Variants in PRKCB observed in about 807,000 individuals in gnomAD.
PRKCB encodes protein kinase C beta type.
In PRKCB, 13 loss-of-function variants were observed where a neutral mutation model predicts 81.5. The observed-to-expected ratio is 0.16, with a 90% CI of 0.10 to 0.25. PRKCB has a LOEUF of 0.25. Among genes scored for constraint, PRKCB ranks in the 10% least tolerant of loss-of-function variants. PRKCB has a pLI of 1.00. For missense variants in PRKCB, 509 were observed against 875.7 expected (o/e 0.58, Z 5.29); for synonymous variants, 335 against 321.4 (o/e 1.04, Z -0.45).
At chr16:24,013,781 CAA>C (rs35383807) in intron 3 of PRKCB, among the ~76,000 whole-genome samples, 9 of 138,002 alleles carry the variant, frequency 6.5e-5, no homozygotes, top group Admixed American at 1.5e-4. Context: ...TGTGGAATTG[CAA>C]AAAAAAAAAA....
chr16:24,128,416 G>A (rs773394345), intron 9 of PRKCB, among the ~76,000 whole-genome samples: 2 of 152,224 alleles, frequency 1.3e-5, no homozygotes, highest in Non-Finnish European at 2.9e-5. Flanking sequence ...AATTTGTGGG[G>A]CAACTAGGGA....
In PRKCB at chr16:24,219,884, C is replaced by A. The variant is rs755328611; in HGVS notation, c.*5068C>A. On this transcript the variant is annotated 3_prime_UTR_variant, in exon 17 of 17. Coordinates refer to ENST00000643927, the MANE Select transcript of PRKCB (RefSeq NM_002738.7). ...ACTCTGCTCATGAGATGGTATCAGC[C>A]ACCCAATGACTGGCGTATCTTGGTC... 6.5e-7 allele frequency: 1 copy of A among 1,535,126 alleles called. No homozygotes were observed. The highest frequency in any genetic ancestry group is 8.8e-7 in the Non-Finnish European group (1 of 1,137,938).
intron 2 of PRKCB, among the ~76,000 whole-genome samples, chr16:23,981,651 C>G (rs1964706831): frequency 7.5e-6 from 1 of 133,432 alleles, no homozygotes; most frequent in Non-Finnish European, 1.6e-5. Context: ...TTTTCTCCTT[C>G]CCTTCCTTTT....
chr16:23,870,882 A>T (rs1962890950), intron 2 of PRKCB, among the ~76,000 whole-genome samples: 1 of 152,196 alleles, frequency 6.6e-6, no homozygotes, highest in Admixed American at 6.5e-5. Flanking sequence ...GTCTTTGGTC[A>T]GCTAGCAGGT....
intron 2 of PRKCB, among the ~76,000 whole-genome samples, chr16:23,850,175 G>T (rs1430227845): frequency 6.6e-6 from 1 of 151,850 alleles, no homozygotes; most frequent in Non-Finnish European, 1.5e-5. Flanking sequence ...GTCTGGGTAG[G>T]ATTCTATTGT....
At chr16:24,148,752 C>T (rs1366587213) in intron 9 of PRKCB, among the ~76,000 whole-genome samples, 1 of 152,188 alleles carries the variant, frequency 6.6e-6, no homozygotes, top group Non-Finnish European at 1.5e-5. Flanking sequence ...CGAGGGTCAG[C>T]AGACTATTGG....
intron 3 of PRKCB, among the ~76,000 whole-genome samples, chr16:24,002,471 C>A (rs1332077099): frequency 6.6e-6 from 1 of 151,996 alleles, no homozygotes; most frequent in Non-Finnish European, 1.5e-5. Context: ...TCCTGAGTAG[C>A]TCGGATTATA....
intron 2 of PRKCB, among the ~76,000 whole-genome samples, chr16:23,961,700 A>ATT (rs199966359): frequency 3.3e-5 from 5 of 150,400 alleles, no homozygotes; most frequent in Non-Finnish European, 7.4e-5. Context: ...CTGAGTGTGG[A>ATT]TTTTTTTTTT....
At chr16:24,087,945 A>G (rs1317593183) in intron 5 of PRKCB, among the ~76,000 whole-genome samples, 1 of 152,000 alleles carries the variant, frequency 6.6e-6, no homozygotes, top group Non-Finnish European at 1.5e-5. Context: ...CTTCTCCTGT[A>G]CTCTTTGCAA....
At chr16:24,114,595 T>G (rs1440735897) in intron 8 of PRKCB, among the ~76,000 whole-genome samples, 1 of 152,138 alleles carries the variant, frequency 6.6e-6, no homozygotes, top group East Asian at 1.9e-4. Flanking sequence ...ATAGGACACA[T>G]CCTTGCTTTA....
chr16:24,112,069 A>G (rs541316245), intron 7 of PRKCB, among the ~76,000 whole-genome samples: 2 of 152,332 alleles, frequency 1.3e-5, no homozygotes, highest in African/African-American at 2.4e-5. Flanking sequence ...TTAACCACTA[A>G]GGGATGCCGT....
chr16:23,850,345 A>T (rs931230791), intron 2 of PRKCB, among the ~76,000 whole-genome samples: 4 of 143,834 alleles, frequency 2.8e-5, no homozygotes, highest in African/African-American at 1.0e-4. Context: ...CAGAAGTGGG[A>T]TTACTTAAAA....
At chr16:24,005,521 C>A (rs113445134) in intron 3 of PRKCB, among the ~76,000 whole-genome samples, 1 of 152,116 alleles carries the variant, frequency 6.6e-6, no homozygotes, top group Non-Finnish European at 1.5e-5. Flanking sequence ...GCGGTTCCGG[C>A]GTAATCGGGA....
intron 16 of PRKCB, among the ~76,000 whole-genome samples, chr16:24,213,457 C>T (rs1012721217): frequency 2.0e-5 from 3 of 152,088 alleles, no homozygotes; most frequent in East Asian, 3.8e-4. Flanking sequence ...GTCTCAGTTC[C>T]GTCATCTATA....
chr16:23,898,503 C>T (rs533905096), intron 2 of PRKCB, among the ~76,000 whole-genome samples: 1 of 152,158 alleles, frequency 6.6e-6, no homozygotes, highest in African/African-American at 2.4e-5. Context: ...AATAATTACA[C>T]AGGTAATAAT....
intron 3 of PRKCB, among the ~76,000 whole-genome samples, chr16:24,021,130 C>CTTTTTTTCTTTCT (rs1596515540): frequency 9.9e-6 from 1 of 101,176 alleles, no homozygotes; most frequent in Non-Finnish European, 2.2e-5. Flanking sequence ...TCTTTCTTTC[C>CTTTTTTTCTTTCT]TTCCTTCCTT....
chr16:23,977,426 A>C (rs1413060524), intron 2 of PRKCB, among the ~76,000 whole-genome samples: 1 of 152,128 alleles, frequency 6.6e-6, no homozygotes, highest in African/African-American at 2.4e-5. Flanking sequence ...AATCTCTGGG[A>C]GTGGGACTTG....
At chr16:23,977,408 T>G (rs1047846582) in intron 2 of PRKCB, among the ~76,000 whole-genome samples, 2 of 152,100 alleles carry the variant, frequency 1.3e-5, no homozygotes, top group South Asian at 2.1e-4. Context: ...ACAGCCCCAT[T>G]AAATCAGAAT....
intron 2 of PRKCB, among the ~76,000 whole-genome samples, chr16:23,839,484 A>G (rs1567285492): frequency 6.6e-6 from 1 of 152,148 alleles, no homozygotes. Flanking sequence ...TGATGTTGCA[A>G]GACTGGTCTT....
Sources: gnomAD v4.1 joint callset for allele counts (sites outside exome capture counted in the v4.1 genomes callset) on GRCh38, gnomAD v4.1.1 for gene constraint, MANE v1.5 for transcripts, NCBI Gene and HGNC (gene_info 2026-07-23, HGNC 2026-07-21) for gene names.